Variants in CRACDL observed in about 807,000 individuals in gnomAD.
CRACDL encodes CRACD like.
CRACDL carries 26 observed loss-of-function variants against 70.6 expected under a neutral mutation model. That is an observed-to-expected ratio of 0.37 (90% CI 0.27 to 0.51). The LOEUF is 0.51. Among genes scored for constraint, CRACDL ranks in the 20% least tolerant of loss-of-function variants. The pLI, the probability that CRACDL is intolerant of heterozygous loss-of-function variation, is 0.94. For missense variants in CRACDL, 1,283 were observed against 1,376.9 expected (o/e 0.93, Z 1.08); for synonymous variants, 618 against 615.2 (o/e 1.00, Z -0.07).
At chr2:98,796,042 C>A (rs1247260555) in intron 9 of CRACDL, 78 bp downstream of exon 9, 19 of 1,493,352 alleles carry the variant, frequency 1.3e-5, no homozygotes, top group Non-Finnish European at 1.6e-5. Context: ...AAAAACCAAA[C>A]CAAACCAAAA....
chr2:98,835,454 A>G (rs987183915), intron 3 of CRACDL, among the ~76,000 whole-genome samples: 1 of 152,272 alleles, frequency 6.6e-6, no homozygotes, highest in Non-Finnish European at 1.5e-5. Flanking sequence ...GGAAGCCATC[A>G]AAGATGAATG....
At chr2:98,801,408 ACAGTGCTGAGC>A (rs1351673828) in intron 7 of CRACDL, among the ~76,000 whole-genome samples, 8 of 152,174 alleles carry the variant, frequency 5.3e-5, no homozygotes, top group African/African-American at 1.4e-4. Context: ...ATCACCTTCC[ACAGTGCTGAGC>A]CTCAAAGAAG....
At chr2:98,796,327 C>G in intron 8 of CRACDL, 63 bp from the exon 9 acceptor site, 10 of 1,535,964 alleles carry the variant, frequency 6.5e-6, no homozygotes, top group Non-Finnish European at 9.0e-6. Context: ...CAAACACATC[C>G]AAAGTGAAGG....
intron 1 of CRACDL, among the ~76,000 whole-genome samples, chr2:98,878,942 G>A: frequency 6.6e-6 from 1 of 152,174 alleles, no homozygotes; most frequent in East Asian, 1.9e-4. Context: ...CAGCTTGTGT[G>A]TGATCCAGAA....
chr2:98,879,988 T>C (rs1707599101), intron 1 of CRACDL, among the ~76,000 whole-genome samples: 1 of 152,266 alleles, frequency 6.6e-6, no homozygotes, highest in Non-Finnish European at 1.5e-5. Flanking sequence ...GGGTCATAAC[T>C]GGCCTCCTCA....
intron 1 of CRACDL, among the ~76,000 whole-genome samples, chr2:98,876,197 C>A (rs543061549): frequency 6.6e-6 from 1 of 152,132 alleles, no homozygotes; most frequent in African/African-American, 2.4e-5. Context: ...TTTCTTAAAT[C>A]GAGAGTAAAA....
chr2:98,856,167 A>G (rs947499013), intron 1 of CRACDL, among the ~76,000 whole-genome samples: 2 of 152,230 alleles, frequency 1.3e-5, no homozygotes, highest in African/African-American at 4.8e-5. Flanking sequence ...GCTCACAGAC[A>G]CAGAGTGAAA....
chr2:98,898,023 G>T (rs1023346542), intron 1 of CRACDL, among the ~76,000 whole-genome samples: 1 of 152,228 alleles, frequency 6.6e-6, no homozygotes, highest in Non-Finnish European at 1.5e-5. Flanking sequence ...TGCAGCTGGG[G>T]AAGCTGCTAA....
At chr2:98,802,286 C>T (rs778175029) in intron 7 of CRACDL, among the ~76,000 whole-genome samples, 15 of 152,254 alleles carry the variant, frequency 9.9e-5, no homozygotes, top group South Asian at 4.1e-4. Flanking sequence ...TCCACGGCGG[C>T]GCTCTCTCCT....
chr2:98,891,647 T>C (rs1447292097), intron 1 of CRACDL, among the ~76,000 whole-genome samples: 1 of 152,176 alleles, frequency 6.6e-6, no homozygotes. Context: ...ATTTTTTTTC[T>C]TTCTTATTTG....
chr2:98,868,883 A>G (rs1707242729), intron 1 of CRACDL, among the ~76,000 whole-genome samples: 1 of 152,136 alleles, frequency 6.6e-6, no homozygotes, highest in Non-Finnish European at 1.5e-5. Flanking sequence ...TTGCTCCAGA[A>G]TTTACACAAC....
At chr2:98,852,072 CTT>C (rs929487806) in intron 1 of CRACDL, among the ~76,000 whole-genome samples, 3 of 152,052 alleles carry the variant, frequency 2.0e-5, no homozygotes, top group African/African-American at 7.3e-5. Context: ...AAGCCATAAT[CTT>C]ATGGGCTTGA....
At chr2:98,846,040 G>GA (rs1322069011) in intron 2 of CRACDL, among the ~76,000 whole-genome samples, 1 of 152,186 alleles carries the variant, frequency 6.6e-6, no homozygotes, top group Non-Finnish European at 1.5e-5. Flanking sequence ...GTAAATAAGA[G>GA]AGAGATGGAG....
At position 98,822,282 on chromosome 2, in the gene CRACDL, C is replaced by A. The variant is rs376465699; in HGVS notation, c.1991G>T (p.Arg664Ile). ...CTCCTGGGCGGCTGGGCAGGGCTCT[C>A]TCGTGCCGGGCGCGGCGGCCGCCTC... Reference protein sequence around the residue: ...PQEAAAAPGTREPCPAAQEPA... With the variant: ...PQEAAAAPGTIEPCPAAQEPA... The change falls in exon 7 of 10, where the codon AGA becomes ATA. Residue 664 changes from arginine to isoleucine, a missense_variant. Physicochemically the swap from Arg to Ile is moderately conservative, Grantham distance 97. This residue lies in a region of CRACDL where 921 missense variants were observed against 881.9 expected (regional missense o/e 1.04). Coordinates refer to ENST00000397899, the MANE Select transcript of CRACDL (RefSeq NM_207362.3). The surrounding 1 kb of genome is among the most constrained non-coding windows in gnomAD (Gnocchi z 4.9). The A allele has an allele frequency of 6.4e-7, 1 of 1,567,862 alleles. No individual in the cohort carries two copies. The highest frequency in any genetic ancestry group is 1.4e-5 in the African/African-American group (1 of 72,182).
intron 1 of CRACDL, among the ~76,000 whole-genome samples, chr2:98,870,620 T>C (rs920719942): frequency 6.6e-6 from 1 of 152,078 alleles, no homozygotes; most frequent in African/African-American, 2.4e-5. Flanking sequence ...GGACAGGGAC[T>C]GGGCCCCAGG....
At chr2:98,863,241 C>A (rs1707005613) in intron 1 of CRACDL, among the ~76,000 whole-genome samples, 1 of 152,104 alleles carries the variant, frequency 6.6e-6, no homozygotes, top group Non-Finnish European at 1.5e-5. Context: ...AGGTAGTAGG[C>A]TGATATGTTC....
rs1484312705 is a variant in CRACDL at position 98,805,021 on chromosome 2, T to G, written c.2417-7484A>C. 2.0e-5 allele frequency among the ~76,000 whole-genome samples: 3 copies of G among 152,172 alleles called. No individual in the cohort carries two copies. The South Asian group carries it at 6.2e-4, about 32-fold the overall frequency. On this transcript the variant is annotated intron_variant, in intron 7 of 9. Coordinates refer to ENST00000397899, the MANE Select transcript of CRACDL (RefSeq NM_207362.3). ...GTGCTGAGTCTAGACAGGAATGATT[T>G]TTTTGAATCTTTCTCTCCAGTGCAT...
At chr2:98,904,203 C>T (rs1422711996) in intron 1 of CRACDL, among the ~76,000 whole-genome samples, 5 of 152,188 alleles carry the variant, frequency 3.3e-5, no homozygotes, top group Non-Finnish European at 7.3e-5. Flanking sequence ...ACGCACCCTC[C>T]ACTGAGCTAT....
At chr2:98,933,565 C>A (rs1346645630) in intron 1 of CRACDL, among the ~76,000 whole-genome samples, 3 of 152,158 alleles carry the variant, frequency 2.0e-5, no homozygotes, top group Non-Finnish European at 2.9e-5. Context: ...CCACAATAAA[C>A]CCTGGGCAGG....
Sources: allele counts gnomAD v4.1 joint callset (sites outside exome capture counted in the v4.1 genomes callset), GRCh38; gene constraint gnomAD v4.1.1; regional missense constraint gnomAD v4.1.1; non-coding constraint Gnocchi (gnomAD v3.1); transcripts MANE v1.5; gene names NCBI Gene and HGNC (gene_info 2026-07-23, HGNC 2026-07-21).